Variants in HOXA6 observed in about 807,000 individuals in gnomAD.
HOXA6 encodes the protein homeobox A6, also known as homeobox protein Hox-A6.
Under a neutral mutation model 23.2 loss-of-function variants are expected in HOXA6, and 19 were observed. That is an observed-to-expected ratio of 0.82 (90% CI 0.57 to 1.20). The LOEUF (loss-of-function observed/expected upper bound fraction) is 1.20, where lower values mean the gene tolerates loss of function less well. HOXA6 is among the 50% of genes most tolerant of loss of function. The pLI is 0.00. For synonymous variants in HOXA6, 140 were observed against 132.6 expected (o/e 1.06, Z -0.38); for missense variants, 346 against 313.6 (o/e 1.10, Z -0.78).
chr7:27,147,180 A>G, intron 1 of HOXA6, 128 bp downstream of exon 1: 1 of 1,004,836 alleles, frequency 1.0e-6, no homozygotes, highest in East Asian at 2.6e-5. Context: ...TTAAGAAGCC[A>G]AAGAAACTTT....
chr7:27,147,663 C>T lies in HOXA6; in HGVS notation c.87G>A (p.Gln29=). Residue 29 remains glutamine, a synonymous_variant, in exon 1 of 2, where the codon CAG becomes CAA. Coordinates refer to ENST00000222728, the MANE Select transcript of HOXA6 (RefSeq NM_024014.4). The stretch of plus-strand genomic sequence containing the variant: ...AGGGCCTCAGCGCGTCATAGCCAGC[C>T]TGGTAGAGGGGCAGCTGGCCCAAGA... ...DSFLGQLPLY[Q]AGYDALRPFP... The T allele has an allele frequency of 6.2e-7, 1 of 1,614,160 alleles. No homozygotes were observed. The highest frequency in any genetic ancestry group is 8.5e-7 in the Non-Finnish European group (1 of 1,180,044).
Position 27,147,290 on chromosome 7 carries a change from T to C in HOXA6, c.442+18A>G, listed in dbSNP as rs1474608148. The C allele has an allele frequency of 2.5e-6, 4 of 1,607,496 alleles. 1 individual carries two copies. The South Asian group carries it at 4.4e-5, about 18-fold the overall frequency. On this transcript the variant is annotated intron_variant, in intron 1 of 1. Coordinates refer to ENST00000222728, the MANE Select transcript of HOXA6 (RefSeq NM_024014.4). The stretch of plus-strand genomic sequence containing the variant: ...CCTCCTTTCCCCTCTCCCTCCACTG[T>C]CTTGGGATATGTCTTACCCGCGCAG...
intron 1 of HOXA6, 71 bp downstream of exon 1, chr7:27,147,237 G>C: frequency 7.2e-7 from 1 of 1,386,754 alleles, no homozygotes; most frequent in South Asian, 1.3e-5. Context: ...TTTCTACTCT[G>C]TTTCCTCCTT....
Position 27,147,342 on chromosome 7 carries a change from AACCGGGCTCGTGT to A in HOXA6, c.395_407del (p.Tyr132PhefsTer8). 1 of 1,614,040 alleles carries A rather than the reference AACCGGGCTCGTGT, an allele frequency of 6.2e-7. No individual in the cohort carries two copies. The highest frequency in any genetic ancestry group is 8.5e-7 in the Non-Finnish European group (1 of 1,179,994). ...AGTTCATCCGCTGCATCCAAGGGTA[AACCGGGCTCGTGT>A]ACTTCCGGTCGGCGCCTTCGTCATG... On this transcript the variant is annotated frameshift_variant, in exon 1 of 2. Coordinates refer to ENST00000222728, the MANE Select transcript of HOXA6 (RefSeq NM_024014.4). LOFTEE classifies it high-confidence loss of function.
rs753008150 is a variant in HOXA6, at chr7:27,147,459, C to T, written c.291G>A (p.Arg97=). The change falls in exon 1 of 2, where the codon AGG becomes AGA. Residue 97 remains arginine, a synonymous_variant. Transcript: ENST00000222728. ...AAAAGTGCAGGTAGTCCCCGGGGCC[C>T]CTCTGCTTGCCACTGCCCGAGGGCG... ...GASPSGSGKQ[R]GPGDYLHFSP... 1.1e-5 allele frequency: 17 copies of T among 1,614,220 alleles called. No individual in the cohort carries two copies. In the East Asian group the frequency reaches 3.8e-4, roughly 36 times the overall value.
Position 27,147,340 on chromosome 7 carries a change from T to A in HOXA6, c.410A>T (p.Tyr137Phe). 1 of 1,614,100 alleles carries A rather than the reference T, an allele frequency of 6.2e-7. No individual in the cohort carries two copies. Among genetic ancestry groups the A allele is most frequent in the Non-Finnish European group, 8.5e-7 (1 of 1,180,008 alleles). ...GGAGTTCATCCGCTGCATCCAAGGG[T>A]AAACCGGGCTCGTGTACTTCCGGTC... ...GADRKYTSPV[Y>F]PWMQRMNSCA... The change falls in exon 1 of 2, where the codon TAC (tyrosine) becomes TTC (phenylalanine). Residue 137 changes from tyrosine (Y) to phenylalanine (F), a missense_variant. Coordinates refer to ENST00000222728, the MANE Select transcript of HOXA6 (RefSeq NM_024014.4).
In HOXA6 at chr7:27,145,873, T is replaced by C. The variant is rs769919704; in HGVS notation, c.487A>G (p.Thr163Ala). 1 of 1,614,166 alleles carries C rather than the reference T, an allele frequency of 6.2e-7. No individual in the cohort carries two copies. Among genetic ancestry groups the C allele is most frequent in the South Asian group, 1.1e-5 (1 of 91,080 alleles). ...TCCAGCTCCAGTGTCTGGTAGCGCG[T>C]GTAGGTCTGGCGGCCTCGGCGCCCA... ...SHGRRGRQTY[T>A]RYQTLELEKE... The change falls in exon 2 of 2, where the codon ACG (threonine) becomes GCG (alanine). Residue 163 changes from threonine to alanine, a missense_variant. Physicochemically the swap from Thr to Ala is moderately conservative, Grantham distance 58. Coordinates refer to ENST00000222728, the MANE Select transcript of HOXA6 (RefSeq NM_024014.4).
chr7:27,147,021 C>G (rs1368790566), intron 1 of HOXA6: 1 of 492,162 alleles, frequency 2.0e-6, no homozygotes, highest in East Asian at 3.2e-5. Flanking sequence ...CAGCCTCTCT[C>G]TCTCTTCAGG....
Sources: gnomAD v4.1 joint callset for allele counts on GRCh38, gnomAD v4.1.1 for gene constraint, MANE v1.5 for transcripts, NCBI Gene and HGNC (gene_info 2026-07-23, HGNC 2026-07-21) for gene names.